The following LMTK3 variants were observed in gnomAD, a reference collection of about 807,000 sequenced individuals.
LMTK3 encodes serine/threonine-protein kinase LMTK3.
Under a neutral mutation model 116.7 loss-of-function variants are expected in LMTK3, and 27 were observed. That is an observed-to-expected ratio of 0.23 (90% confidence interval 0.17 to 0.32). The LOEUF is 0.32. LMTK3 is among the 10% of genes least tolerant of loss of function. The pLI, the probability that LMTK3 is intolerant of heterozygous loss-of-function variation, is 1.00. For synonymous variants in LMTK3, 965 were observed against 971.0 expected, an observed-to-expected ratio of 0.99 and a Z score of 0.11; for missense variants, 1,764 against 2,068.5, an observed-to-expected ratio of 0.85 and a Z score of 2.86.
intron 14 of LMTK3, among the ~76,000 whole-genome samples, chr19:48,486,338 C>A (rs924531103): frequency 6.6e-6 from 1 of 151,064 alleles, no homozygotes; most frequent in South Asian, 2.1e-4. Context: ...GGATTACAGG[C>A]GTGAGCCACC....
In LMTK3 at chr19:48,498,744, G is replaced by T; in HGVS notation, c.2325C>A (p.Ala775=). Residue 775 remains alanine, a synonymous_variant, in exon 11 of 15, where the codon GCC becomes GCA. Coordinates refer to ENST00000600059, the MANE Select transcript of LMTK3 (RefSeq NM_001388485.1). ...AGAGGCCTGAACCGGGACTGGCCAC[G>T]GCCGAAGGGGGGTCGGGGGACGCGG... The part of the protein sequence containing the change: ...DPAASPDPPS[A]VASPGSGLSS... The T allele has an allele frequency of 2.6e-6, 4 of 1,518,108 alleles. No homozygotes were observed. The highest frequency in any genetic ancestry group is 3.5e-6 in the Non-Finnish European group (4 of 1,138,536). The allele number at this position is 1,518,108 out of a possible 1,614,324, so 94.0% of individuals were successfully genotyped here. A position where few individuals can be genotyped will look rare whatever the true frequency, so the allele number is the denominator to read the frequency against.
rs1372122010 is a variant in LMTK3 at position 48,491,280 on chromosome 19, G to A, written c.4229-35C>T. 1 of 1,372,206 alleles carries A rather than the reference G, an allele frequency of 7.3e-7. No homozygotes were observed. Among genetic ancestry groups the A allele is most frequent in the African/African-American group, 1.5e-5 (1 of 65,762 alleles). The allele number at this position is 1,372,206 out of a possible 1,614,324, so 85.0% of individuals were successfully genotyped here. A position where few individuals can be genotyped will look rare whatever the true frequency, so the allele number is the denominator to read the frequency against. The stretch of plus-strand genomic sequence containing the variant: ...AAGGAAAGACCGCGGTCAGGCTGCA[G>A]ACACCTGCGGCACTCCCGCCCTCTG... On this transcript the variant is annotated intron_variant, in intron 13 of 14. Transcript: ENST00000600059. The surrounding 1 kb of genome is among the most constrained non-coding windows in gnomAD (Gnocchi z 5.1).
At chr19:48,502,388 C>T (rs1211902598) in intron 7 of LMTK3, 45 bp downstream of exon 7, 2 of 1,594,110 alleles carry the variant, frequency 1.3e-6, no homozygotes, top group Non-Finnish European at 1.7e-6. Context: ...ACCTCCTTCC[C>T]CCTTCCCCTT....
intron 6 of LMTK3, 41 bp downstream of exon 6, chr19:48,502,868 G>GCTGCCCCCT: frequency 1.4e-6 from 2 of 1,458,022 alleles, no homozygotes; most frequent in Non-Finnish European, 1.9e-6. Flanking sequence ...GCCTTGTCCA[G>GCTGCCCCCT]CTGCCCCCTC....
Position 48,498,214 on chromosome 19 carries a change from G to A in LMTK3, c.2855C>T (p.Pro952Leu), listed in dbSNP as rs1972372735. 6.2e-7 allele frequency: 1 copy of A among 1,613,148 alleles called. No homozygotes were observed. The highest frequency in any genetic ancestry group is 8.5e-7 in the Non-Finnish European group (1 of 1,179,664). The change falls in exon 11 of 15, where the codon CCC becomes CTC. Residue 952 changes from proline to leucine, a missense_variant. This residue lies in a region of LMTK3 where 1,028 missense variants were observed against 1,050.6 expected (regional missense o/e 0.98). Transcript: ENST00000600059. ...KAAENGALGS[P>L]EREEKVLENG... ...CTCCAGCACTTTCTCTTCTCTCTCG[G>A]GGGACCCCAGGGCCCCATTCTCCGC...
At position 48,486,354 on chromosome 19, in the gene LMTK3, C is replaced by T. The variant is rs116902775; in HGVS notation, c.4367-565G>A. Among the ~76,000 whole-genome samples the T allele has an allele frequency of 3.8e-4, 57 of 151,974 alleles. No homozygotes were observed. The East Asian group carries it at 0.01, about 27-fold the overall frequency. Reference sequence around the variant, plus strand: ...GATTACAGGCGTGAGCCACCGCGCCCGGCCTTTTGGAACATTCTTCCTACG... The same window carrying T: ...GATTACAGGCGTGAGCCACCGCGCCTGGCCTTTTGGAACATTCTTCCTACG... On this transcript the variant is annotated intron_variant, in intron 14 of 14. Transcript: ENST00000600059.
chr19:48,497,655 T>C lies in LMTK3; in HGVS notation c.3414A>G (p.Val1138=). 7.6e-7 allele frequency: 1 copy of C among 1,312,432 alleles called. No homozygotes were observed. Among genetic ancestry groups the C allele is most frequent in the Non-Finnish European group, 9.7e-7 (1 of 1,033,654 alleles). 81.3% of individuals were successfully genotyped at this position (1,312,432 alleles called of 1,614,324 possible). ...GCGGTGGCTGCGGCCTCGTGTTGTC[T>C]ACCCATCCGGCCTTTGCGTCCACGC... ...GSGVDAKAGW[V]DNTRPQPPPP... The change falls in exon 11 of 15, where the codon GTA becomes GTG. Residue 1138 remains valine, a synonymous_variant. Transcript: ENST00000600059. This position sits in a 1 kb window ranked among gnomAD's most constrained non-coding sequence, Gnocchi z 5.7.
chr19:48,494,746 G>A lies in LMTK3; in HGVS notation c.3677-637C>T, dbSNP rs1205426895. ...AGCTGATGGCAGGGGCAAGAGGAGG[G>A]TGGAGGTGGGGCAGGGAGAAAGATG... is the stretch of plus-strand genomic sequence containing the variant. On this transcript the variant is annotated intron_variant, in intron 11 of 14. Transcript: ENST00000600059. This position sits in a 1 kb window ranked among gnomAD's most constrained non-coding sequence, Gnocchi z 4.0. 2.0e-5 allele frequency among the ~76,000 whole-genome samples: 3 copies of A among 152,198 alleles called. No individual in the cohort carries two copies. The highest frequency in any genetic ancestry group is 4.4e-5 in the Non-Finnish European group (3 of 68,032).
At chr19:48,503,608 C>T (rs921083759) in intron 5 of LMTK3, among the ~76,000 whole-genome samples, 1 of 152,106 alleles carries the variant, frequency 6.6e-6, no homozygotes, top group Non-Finnish European at 1.5e-5. Flanking sequence ...CTCCCCTTCC[C>T]TTTGCCTCAC....
At position 48,511,628 on chromosome 19, in the gene LMTK3, G is replaced by A. The variant is rs1972664895; in HGVS notation, c.-52C>T. The A allele has an allele frequency of 1.7e-6, 1 of 590,656 alleles. No individual in the cohort carries two copies. Among genetic ancestry groups the A allele is most frequent in the Non-Finnish European group, 2.8e-6 (1 of 357,912 alleles). 36.6% of individuals were successfully genotyped at this position (590,656 alleles called of 1,614,324 possible). ...GGTGGTGGCGGCTGGGGAGGAGGGG[G>A]GGGCGGGCCCTCAGCCCCCAGCCAT... On this transcript the variant is annotated 5_prime_UTR_variant, in exon 1 of 15. Coordinates refer to ENST00000600059, the MANE Select transcript of LMTK3 (RefSeq NM_001388485.1).
intron 5 of LMTK3, among the ~76,000 whole-genome samples, chr19:48,504,026 C>G (rs776108965): frequency 3.9e-5 from 6 of 152,236 alleles, no homozygotes; most frequent in Middle Eastern, 3.4e-3. Flanking sequence ...CGACACCAAG[C>G]CTGGCTAATT....
At position 48,497,485 on chromosome 19, in the gene LMTK3, C is replaced by A; in HGVS notation, c.3584G>T (p.Gly1195Val). ...CTTCCTCTCGGGCTTGGGGGGGTCCCCGTCTCCGCTGAGTGCCGTGTCTCC... is the reference window on the plus strand; with the variant it reads ...CTTCCTCTCGGGCTTGGGGGGGTCCACGTCTCCGCTGAGTGCCGTGTCTCC... ...AGGDTALSGD[G>V]DPPKPERKGP... is the part of the protein sequence containing the mutation. The change falls in exon 11 of 15, where the codon GGG becomes GTG. Residue 1195 changes from glycine to valine, a missense_variant. Physicochemically the swap from Gly to Val is moderately radical, Grantham distance 109 (BLOSUM62 -3). Coordinates refer to ENST00000600059, the MANE Select transcript of LMTK3 (RefSeq NM_001388485.1). The surrounding 1 kb of genome is among the most constrained non-coding windows in gnomAD (Gnocchi z 5.7). 6.7e-7 allele frequency: 1 copy of A among 1,488,348 alleles called. No homozygotes were observed. The highest frequency in any genetic ancestry group is 8.9e-7 in the Non-Finnish European group (1 of 1,122,236). The allele number at this position is 1,488,348 out of a possible 1,614,324, so 92.2% of individuals were successfully genotyped here.
At position 48,487,701 on chromosome 19, in the gene LMTK3, A is replaced by T. The variant is rs559795100; in HGVS notation, c.4367-1912T>A. On this transcript the variant is annotated intron_variant, in intron 14 of 14. Transcript: ENST00000600059. Reference sequence around the variant, plus strand: ...AATGAAAGCCCCATCCATTGTACAGACCAGAAAGCTAAGGTCCAGGAGGTG... The same window carrying T: ...AATGAAAGCCCCATCCATTGTACAGTCCAGAAAGCTAAGGTCCAGGAGGTG... Among the ~76,000 whole-genome samples the T allele has an allele frequency of 2.0e-5, 3 of 151,900 alleles. No individual in the cohort carries two copies. In the East Asian group the frequency reaches 5.8e-4, roughly 29 times the overall value.
chr19:48,491,058 T>G lies in LMTK3; in HGVS notation c.4366+50A>C. 2 of 1,238,756 alleles carry G rather than the reference T, an allele frequency of 1.6e-6. No individual in the cohort carries two copies. Among genetic ancestry groups the G allele is most frequent in the Non-Finnish European group, 2.1e-6 (2 of 971,484 alleles). The allele number at this position is 1,238,756 out of a possible 1,614,324, so 76.7% of individuals were successfully genotyped here. A position where few individuals can be genotyped will look rare whatever the true frequency, so the allele number is the denominator to read the frequency against. On this transcript the variant is annotated intron_variant, in intron 14 of 14. Coordinates refer to ENST00000600059, the MANE Select transcript of LMTK3 (RefSeq NM_001388485.1). The surrounding 1 kb of genome is among the most constrained non-coding windows in gnomAD (Gnocchi z 5.1). Reference sequence around the variant, plus strand: ...GTCACAAGAAGTTGGCAGTGGAACATAGGGGGACAGAGATGGGCAGAGGAG... The same window carrying G: ...GTCACAAGAAGTTGGCAGTGGAACAGAGGGGGACAGAGATGGGCAGAGGAG...
intron 14 of LMTK3, among the ~76,000 whole-genome samples, chr19:48,490,008 A>T (rs1428810710): frequency 7.9e-6 from 1 of 125,992 alleles, no homozygotes; most frequent in Non-Finnish European, 1.6e-5. Context: ...CTGCTCTCCC[A>T]GAGTGGCCTT....
Position 48,500,024 on chromosome 19 carries a change from A to T in LMTK3, c.1152-107T>A, listed in dbSNP as rs1972434404. ...AGAGGGGGACAGAGACCCAGAGGGT[A>T]ACAGAGACCCAGAGAGAGGGGGACA... On this transcript the variant is annotated intron_variant, in intron 10 of 14. Coordinates refer to ENST00000600059, the MANE Select transcript of LMTK3 (RefSeq NM_001388485.1). The surrounding 1 kb of genome is among the most constrained non-coding windows in gnomAD (Gnocchi z 4.0). 4 of 1,093,582 alleles carry T rather than the reference A, an allele frequency of 3.7e-6. No homozygotes were observed. The highest frequency in any genetic ancestry group is 3.1e-4 in the Middle Eastern group (1 of 3,192). 67.7% of individuals were successfully genotyped at this position (1,093,582 alleles called of 1,614,324 possible).
In LMTK3 at chr19:48,511,543, C is replaced by T. The variant is rs865872093; in HGVS notation, c.34G>A (p.Ala12Thr). ...PAPGALILLA[A>T]VSASGCLASP... ...GCCAGGCAGCCGGAGGCGGAGACGG[C>T]CGCAAGGAGGATGAGGGCGCCGGGG... The change falls in exon 1 of 15, where the codon GCC becomes ACC. Residue 12 changes from alanine (A) to threonine (T), a missense_variant. Physicochemically the swap from Ala to Thr is moderately conservative, Grantham distance 58. Coordinates refer to ENST00000600059, the MANE Select transcript of LMTK3 (RefSeq NM_001388485.1). The T allele has an allele frequency of 4.0e-5, 58 of 1,437,510 alleles. No individual in the cohort carries two copies. In the Admixed American group the frequency reaches 1.3e-3, roughly 32 times the overall value. The allele number at this position is 1,437,510 out of a possible 1,614,324, so 89.0% of individuals were successfully genotyped here.
intron 4 of LMTK3, 132 bp downstream of exon 4, chr19:48,509,305 G>T: frequency 1.3e-6 from 1 of 768,320 alleles, no homozygotes. Flanking sequence ...ACGGAGGGGG[G>T]ATGGGAGGCT....
intron 5 of LMTK3, among the ~76,000 whole-genome samples, chr19:48,505,847 T>C (rs1219570662): frequency 3.2e-5 from 4 of 124,498 alleles, no homozygotes; most frequent in Non-Finnish European, 5.0e-5. Flanking sequence ...GGCAACAAGA[T>C]TGAAACTCTG....
Sources: allele counts gnomAD v4.1 joint callset (sites outside exome capture counted in the v4.1 genomes callset), GRCh38; gene constraint gnomAD v4.1.1; regional missense constraint gnomAD v4.1.1; non-coding constraint Gnocchi (gnomAD v3.1); transcripts MANE v1.5; gene names NCBI Gene and HGNC (gene_info 2026-07-23, HGNC 2026-07-21).